Variants in PLCL2 observed in about 807,000 individuals in gnomAD.
PLCL2 encodes the protein phospholipase C like 2.
PLCL2 carries 4 observed loss-of-function variants against 79.6 expected under a neutral mutation model. The ratio of observed to expected loss-of-function variants is 0.05; its 90% CI spans 0.02 to 0.11. PLCL2 has a LOEUF of 0.11. PLCL2 is among the 10% of genes least tolerant of loss of function. The probability of loss-of-function intolerance (pLI) is 1.00; values close to 1 mark genes in which losing one functional copy is unlikely to be tolerated. For missense variants in PLCL2, 895 were observed against 1,291.0 expected (o/e 0.69, Z 4.70); for synonymous variants, 484 against 457.7 (o/e 1.06, Z -0.73).
chr3:16,964,604 C>A (rs1177097159), intron 1 of PLCL2, among the ~76,000 whole-genome samples: 1 of 152,130 alleles, frequency 6.6e-6, no homozygotes, highest in East Asian at 1.9e-4. Flanking sequence ...CACTGTCTTC[C>A]ACAATGGTTG....
chr3:16,971,519 C>G (rs2063868289), intron 1 of PLCL2, among the ~76,000 whole-genome samples: 1 of 152,082 alleles, frequency 6.6e-6, no homozygotes, highest in Non-Finnish European at 1.5e-5. Context: ...TTAGGATTGA[C>G]TTGGCAATGC....
chr3:16,984,402 A>G (rs1400491241), intron 1 of PLCL2, among the ~76,000 whole-genome samples: 1 of 151,232 alleles, frequency 6.6e-6, no homozygotes, highest in African/African-American at 2.4e-5. Context: ...TTATTAAGTA[A>G]TAAATCATTT....
chr3:17,012,188 C>G (rs2064333553), intron 2 of PLCL2, 28 bp downstream of exon 2: 2 of 1,573,268 alleles, frequency 1.3e-6, no homozygotes, highest in Non-Finnish European at 1.7e-6. Context: ...ATCATTTACT[C>G]AATGGTTTTC....
intron 4 of PLCL2, among the ~76,000 whole-genome samples, chr3:17,064,566 T>C (rs2064989479): frequency 6.6e-6 from 1 of 152,194 alleles, no homozygotes; most frequent in Non-Finnish European, 1.5e-5. Flanking sequence ...GGCGCTCGCA[T>C]GTCACAGGGA....
intron 1 of PLCL2, among the ~76,000 whole-genome samples, chr3:16,898,541 A>G (rs1292648111): frequency 6.6e-6 from 1 of 152,242 alleles, no homozygotes; most frequent in East Asian, 1.9e-4. Flanking sequence ...TGCGAGAGAA[A>G]CAGGCACATA....
chr3:17,009,890 G>A lies in PLCL2; in HGVS notation c.544G>A (p.Glu182Lys). ...GTGGGAGCCATCTAAGAAGGATTCT[G>A]AGAAAGCCAAGATTGACATTAAATC... is the stretch of plus-strand genomic sequence containing the variant. ...LRWEPSKKDS[E>K]KAKIDIKSIK... Residue 182 changes from glutamate to lysine, a missense_variant, in exon 2 of 6, where the codon GAG becomes AAG. Physicochemically the swap from Glu to Lys is moderately conservative, Grantham distance 56 (BLOSUM62 1). Transcript: ENST00000615277. This position sits in a 1 kb window ranked among gnomAD's most constrained non-coding sequence, Gnocchi z 4.0. 1 of 1,612,864 alleles carries A rather than the reference G, an allele frequency of 6.2e-7. No individual in the cohort carries two copies. The highest frequency in any genetic ancestry group is 1.3e-5 in the African/African-American group (1 of 75,026).
chr3:16,973,297 C>A (rs558810536), intron 1 of PLCL2, among the ~76,000 whole-genome samples: 5 of 151,444 alleles, frequency 3.3e-5, no homozygotes, highest in African/African-American at 1.2e-4. Flanking sequence ...TTTAGGAATG[C>A]TGAATATAGG....
chr3:17,019,173 G>C (rs1358376741), intron 3 of PLCL2, among the ~76,000 whole-genome samples: 1 of 152,222 alleles, frequency 6.6e-6, no homozygotes, highest in African/African-American at 2.4e-5. Flanking sequence ...CTGGTAAAGA[G>C]GAGGCTATTG....
intron 1 of PLCL2, among the ~76,000 whole-genome samples, chr3:16,992,196 G>A (rs191812793): frequency 6.6e-6 from 1 of 152,296 alleles, no homozygotes; most frequent in Non-Finnish European, 1.5e-5. Flanking sequence ...GGGATTGGGT[G>A]GTGATCGGGG....
At chr3:16,947,196 T>C (rs1244381989) in intron 1 of PLCL2, among the ~76,000 whole-genome samples, 1 of 151,946 alleles carries the variant, frequency 6.6e-6, no homozygotes, top group East Asian at 1.9e-4. Flanking sequence ...GCGATCCTCC[T>C]ACCACAGCCT....
chr3:17,087,595 T>C (rs989192225), intron 5 of PLCL2, among the ~76,000 whole-genome samples: 2 of 152,160 alleles, frequency 1.3e-5, no homozygotes, highest in Non-Finnish European at 2.9e-5. Context: ...TTGTTATACA[T>C]TTTTCAAAAC....
chr3:17,055,992 G>C (rs1319137232), intron 4 of PLCL2, among the ~76,000 whole-genome samples: 1 of 152,138 alleles, frequency 6.6e-6, no homozygotes, highest in African/African-American at 2.4e-5. Flanking sequence ...CCCTTCCCGG[G>C]GTACCTGTTC....
chr3:17,018,483 C>T (rs2064410309), intron 3 of PLCL2, among the ~76,000 whole-genome samples: 2 of 152,194 alleles, frequency 1.3e-5, no homozygotes, highest in African/African-American at 4.8e-5. Context: ...CTTGTCCTCT[C>T]TGCCTCTCTT....
intron 4 of PLCL2, among the ~76,000 whole-genome samples, chr3:17,061,781 T>C (rs527724286): frequency 1.0e-3 from 158 of 152,308 alleles, no homozygotes; most frequent in African/African-American, 3.5e-3. Flanking sequence ...AAGCAAAAGT[T>C]ACATGATTTG....
chr3:17,013,146 G>A (rs80102548), intron 2 of PLCL2, among the ~76,000 whole-genome samples: 4,326 of 152,174 alleles, frequency 0.028, 225 homozygotes, highest in African/African-American at 0.1. Context: ...GGGTGAAAGT[G>A]GTTTGGTAAA....
chr3:16,954,818 A>C (rs2063688484), intron 1 of PLCL2, among the ~76,000 whole-genome samples: 1 of 152,178 alleles, frequency 6.6e-6, no homozygotes. Context: ...GGCTGCATAA[A>C]TGTCTTCTTT....
intron 3 of PLCL2, among the ~76,000 whole-genome samples, chr3:17,024,378 T>C (rs1003940923): frequency 6.6e-6 from 1 of 152,170 alleles, no homozygotes; most frequent in Admixed American, 6.6e-5. Context: ...CTTCTAGCAA[T>C]TGAATCTTTC....
In PLCL2 at chr3:17,042,890, A is replaced by G. The variant is rs566607335; in HGVS notation, c.3035A>G (p.Lys1012Arg). 3 of 1,611,720 alleles carry G rather than the reference A, an allele frequency of 1.9e-6. No individual in the cohort carries two copies. In the South Asian group the frequency reaches 3.3e-5, roughly 18 times the overall value. Residue 1012 changes from lysine (K) to arginine (R), a missense_variant, in exon 4 of 6, where the codon AAG becomes AGG. Around this residue, in one of 6 missense-constraint regions of PLCL2, gnomAD observed 298 missense variants for 459.6 expected, o/e 0.65. Transcript: ENST00000615277. ...CCTTTGCAGATGATTCAGTCCCTCA[A>G]GGCGTTGATTGAAAATGCAGATGCT... ...TTYDMMIQSL[K>R]ALIENADAVY...
At chr3:17,050,249 CA>C (rs1447180803) in intron 4 of PLCL2, among the ~76,000 whole-genome samples, 2 of 152,140 alleles carry the variant, frequency 1.3e-5, no homozygotes, top group Non-Finnish European at 2.9e-5. Flanking sequence ...ACTTTCCAGG[CA>C]TTGGATTAGG....
Sources: gnomAD v4.1 joint callset for allele counts (sites outside exome capture counted in the v4.1 genomes callset) on GRCh38, gnomAD v4.1.1 for gene constraint, gnomAD v4.1.1 regional missense constraint, Gnocchi (gnomAD v3.1) non-coding constraint, MANE v1.5 for transcripts, NCBI Gene and HGNC (gene_info 2026-07-23, HGNC 2026-07-21) for gene names.